Variants in ANGPT2 observed in about 807,000 individuals in gnomAD.
The protein encoded by ANGPT2 is angiopoietin-2.
ANGPT2 carries 28 observed loss-of-function variants against 62.9 expected under a neutral mutation model. The observed-to-expected ratio is 0.44, with a 90% confidence interval of 0.33 to 0.61. The LOEUF (loss-of-function observed/expected upper bound fraction) is 0.61, where lower values mean the gene tolerates loss of function less well. ANGPT2 is among the 20% of genes least tolerant of loss of function. The probability of loss-of-function intolerance (pLI) is 0.03; values close to 1 mark genes in which losing one functional copy is unlikely to be tolerated. For synonymous variants in ANGPT2, 284 were observed against 207.8 expected, an observed-to-expected ratio of 1.37 and a Z score of -3.15; for missense variants, 727 against 594.9, an observed-to-expected ratio of 1.22 and a Z score of -2.31.
At chr8:6,514,278 C>T (rs1313387998) in intron 6 of ANGPT2, among the ~76,000 whole-genome samples, 2 of 152,170 alleles carry the variant, frequency 1.3e-5, no homozygotes, top group Non-Finnish European at 2.9e-5. Flanking sequence ...CACCCTCTGC[C>T]TCCCAGGTTC....
intron 1 of ANGPT2, among the ~76,000 whole-genome samples, chr8:6,543,187 A>T (rs1821919840): frequency 6.6e-6 from 1 of 152,146 alleles, no homozygotes; most frequent in Admixed American, 6.5e-5. Flanking sequence ...AATGGATAGA[A>T]TTTTTGAGAT....
At chr8:6,523,669 A>C (rs952573920) in intron 3 of ANGPT2, among the ~76,000 whole-genome samples, 1 of 152,122 alleles carries the variant, frequency 6.6e-6, no homozygotes, top group Admixed American at 6.5e-5. Context: ...AGCTCGCTGC[A>C]ACCTCCGCCT....
chr8:6,548,335 C>A (rs576635530), intron 1 of ANGPT2, among the ~76,000 whole-genome samples: 1 of 152,284 alleles, frequency 6.6e-6, no homozygotes, highest in Non-Finnish European at 1.5e-5. Context: ...TGGTCCCCTG[C>A]CACTTAGATG....
intron 7 of ANGPT2, among the ~76,000 whole-genome samples, chr8:6,512,105 C>T (rs768792154): frequency 6.6e-6 from 1 of 151,712 alleles, no homozygotes. Context: ...TCCAGGAGAG[C>T]CTGATCTTTC....
chr8:6,544,835 A>C (rs1822262752), intron 1 of ANGPT2, among the ~76,000 whole-genome samples: 1 of 152,096 alleles, frequency 6.6e-6, no homozygotes, highest in Non-Finnish European at 1.5e-5. Flanking sequence ...CATCAGGAAG[A>C]CTCGAAATAT....
intron 1 of ANGPT2, among the ~76,000 whole-genome samples, chr8:6,542,376 TTGTG>T (rs892046037): frequency 2.0e-5 from 3 of 151,708 alleles, no homozygotes; most frequent in Non-Finnish European, 2.9e-5. Context: ...ATTCCAAAAC[TTGTG>T]TGTGTGTGTT....
intron 1 of ANGPT2, among the ~76,000 whole-genome samples, chr8:6,557,962 G>C (rs902349328): frequency 6.6e-6 from 1 of 152,054 alleles, no homozygotes; most frequent in African/African-American, 2.4e-5. Context: ...GTTGTGCCAC[G>C]TCCTCCCCCT....
rs368130298 is a variant in ANGPT2, at chr8:6,512,386, C to T, written c.1196+1292G>A. Among the ~76,000 whole-genome samples, 12 of 152,266 alleles carry T rather than the reference C, an allele frequency of 7.9e-5. No individual in the cohort carries two copies. The South Asian group carries it at 2.5e-3, about 32-fold the overall frequency. On this transcript the variant is annotated intron_variant, in intron 7 of 8. Transcript: ENST00000629816. ...TCAGGTCGTGGAGCGGAGTGTCTGA[C>T]TTGGGCATTAATGAGATGAAGACGA... is the stretch of plus-strand genomic sequence containing the variant.
intron 1 of ANGPT2, among the ~76,000 whole-genome samples, chr8:6,558,123 G>A (rs534903500): frequency 5.3e-5 from 8 of 152,150 alleles, no homozygotes; most frequent in Non-Finnish European, 1.0e-4. Context: ...TGTCATTTTT[G>A]GGCCAGGAAA....
At chr8:6,554,096 C>A (rs577762458) in intron 1 of ANGPT2, among the ~76,000 whole-genome samples, 2 of 149,510 alleles carry the variant, frequency 1.3e-5, no homozygotes, top group African/African-American at 5.0e-5. Context: ...GTACTTCAGA[C>A]AGGGAGATAT....
intron 1 of ANGPT2, among the ~76,000 whole-genome samples, chr8:6,553,405 A>G (rs1007134166): frequency 3.9e-5 from 6 of 152,220 alleles, no homozygotes; most frequent in African/African-American, 1.4e-4. Flanking sequence ...ATGGTTACAT[A>G]GTTAAAAGTA....
At chr8:6,504,865 A>T (rs1812965350) in intron 8 of ANGPT2, among the ~76,000 whole-genome samples, 1 of 152,156 alleles carries the variant, frequency 6.6e-6, no homozygotes, top group African/African-American at 2.4e-5. Context: ...GTGTGATTTC[A>T]GGCATTTGCT....
intron 5 of ANGPT2, among the ~76,000 whole-genome samples, chr8:6,517,887 A>G (rs1274651532): frequency 6.6e-6 from 1 of 152,216 alleles, no homozygotes; most frequent in African/African-American, 2.4e-5. Flanking sequence ...AACAATTGAC[A>G]CCACTTATTT....
chr8:6,557,288 G>A (rs1355474358), intron 1 of ANGPT2, among the ~76,000 whole-genome samples: 2 of 151,952 alleles, frequency 1.3e-5, no homozygotes, highest in African/African-American at 4.8e-5. Flanking sequence ...GTTTATAAGG[G>A]ACTTAAAAAA....
intron 3 of ANGPT2, among the ~76,000 whole-genome samples, chr8:6,523,522 A>G (rs1275606924): frequency 6.6e-6 from 1 of 152,204 alleles, no homozygotes; most frequent in Non-Finnish European, 1.5e-5. Flanking sequence ...GTATTTGAGA[A>G]TGTTAACTGT....
Position 6,562,758 on chromosome 8 carries a change from G to A in ANGPT2, c.177C>T (p.Pro59=). The A allele has an allele frequency of 6.2e-7, 1 of 1,613,910 alleles. No homozygotes were observed. Among genetic ancestry groups the A allele is most frequent in the East Asian group, 2.2e-5 (1 of 44,860 alleles). ...EMDNCRSSSS[P]YVSNAVQRDA... ...CCCTCTGCACAGCATTGGACACGTAGGGGCTGGAGGAAGAGCGGCAGTTGT... is the reference window on the plus strand; with the variant it reads ...CCCTCTGCACAGCATTGGACACGTAAGGGCTGGAGGAAGAGCGGCAGTTGT... The change falls in exon 1 of 9, where the codon CCC becomes CCT. Residue 59 remains proline (P), a synonymous_variant. Coordinates refer to ENST00000629816, the MANE Select transcript of ANGPT2 (RefSeq NM_001118887.2).
rs1257018773 is a variant in ANGPT2 at position 6,500,414 on chromosome 8, T to C, written c.*2687A>G. The C allele has an allele frequency of 6.4e-6, 1 of 156,950 alleles. No homozygotes were observed. Among genetic ancestry groups the C allele is most frequent in the Non-Finnish European group, 1.4e-5 (1 of 70,824 alleles). The allele number at this position is 156,950 out of a possible 1,614,324, so 9.7% of individuals were successfully genotyped here. ...TTTTTAAGATTAAGTAATAATTAAG[T>C]GGATAATTTAAAGTTTGCTTGGATA... is the stretch of plus-strand genomic sequence containing the variant. On this transcript the variant is annotated 3_prime_UTR_variant, in exon 9 of 9. Coordinates refer to ENST00000629816, the MANE Select transcript of ANGPT2 (RefSeq NM_001118887.2).
At chr8:6,508,569 G>C (rs1814267323) in intron 8 of ANGPT2, 1 of 412,596 alleles carries the variant, frequency 2.4e-6, no homozygotes, top group Non-Finnish European at 4.2e-6. Context: ...TACTGTTGTG[G>C]TTGCTACTTG....
At chr8:6,516,771 G>C (rs189081184) in intron 5 of ANGPT2, among the ~76,000 whole-genome samples, 1 of 152,272 alleles carries the variant, frequency 6.6e-6, no homozygotes, top group Admixed American at 6.5e-5. Context: ...TTCCAAGAAT[G>C]TTTGATTCTT....
Sources: gnomAD v4.1 joint callset for allele counts (sites outside exome capture counted in the v4.1 genomes callset) on GRCh38, gnomAD v4.1.1 for gene constraint, MANE v1.5 for transcripts, NCBI Gene and HGNC (gene_info 2026-07-23, HGNC 2026-07-21) for gene names.